ANXA4: variants seen among roughly 807,000 people sequenced by gnomAD.
ANXA4 encodes the protein 35-beta calcimedin.
ANXA4 carries 39 observed loss-of-function variants against 49.8 expected under a neutral mutation model. The ratio of observed to expected loss-of-function variants is 0.78; its 90% CI spans 0.61 to 1.02. The LOEUF is 1.02. ANXA4 is among the 50% of genes least tolerant of loss of function. ANXA4 has a pLI of 0.00. For missense variants in ANXA4, 360 were observed against 410.1 expected (o/e 0.88, Z 1.05); for synonymous variants, 134 against 152.5 (o/e 0.88, Z 0.89).
At chr2:69,694,419 G>C (rs1678087957) in intron 2 of ANXA4, among the ~76,000 whole-genome samples, 1 of 151,140 alleles carries the variant, frequency 6.6e-6, no homozygotes, top group African/African-American at 2.4e-5. Flanking sequence ...ACATCGTGCA[G>C]GTTTGTTACA....
intron 2 of ANXA4, among the ~76,000 whole-genome samples, chr2:69,691,773 G>GA (rs1677979353): frequency 1.3e-5 from 2 of 152,228 alleles, no homozygotes; most frequent in Admixed American, 1.3e-4. Flanking sequence ...TAGCAGCGTA[G>GA]AAGCAGCTGG....
At chr2:69,753,116 T>C (rs1670915425) in intron 1 of ANXA4, among the ~76,000 whole-genome samples, 2 of 152,238 alleles carry the variant, frequency 1.3e-5, no homozygotes, top group African/African-American at 4.8e-5. Context: ...AAACTAGTTA[T>C]GTACCTGTTC....
At chr2:69,810,405 C>T (rs1424385504) in intron 6 of ANXA4, 189 bp from the exon 7 acceptor site, 4 of 578,892 alleles carry the variant, frequency 6.9e-6, no homozygotes, top group Non-Finnish European at 1.3e-5. Context: ...TATCGTGTGA[C>T]AGGATAAGCT....
upstream of ANXA4, chr2:69,643,959 A>T (rs1455591374): frequency 2.0e-6 from 2 of 1,023,484 alleles, no homozygotes; most frequent in South Asian, 4.8e-5. Flanking sequence ...AAGACTGTTG[A>T]TATCACCCGA....
At chr2:69,688,218 T>C (rs888355487) in intron 2 of ANXA4, among the ~76,000 whole-genome samples, 7 of 152,254 alleles carry the variant, frequency 4.6e-5, no homozygotes, top group Admixed American at 3.9e-4. Flanking sequence ...TTTTAAAAAT[T>C]GCATTATGGC....
rs184184854 is a variant in ANXA4 at position 69,827,104 on chromosome 2, A to G, written c.*1589A>G. ...TATCATAAATGTATAAAGGACATTCATATTCTTATAGTGGGAATACTTGCC... is the reference window on the plus strand; with the variant it reads ...TATCATAAATGTATAAAGGACATTCGTATTCTTATAGTGGGAATACTTGCC... On this transcript the variant is annotated 3_prime_UTR_variant, in exon 13 of 13. Coordinates refer to ENST00000394295, the MANE Select transcript of ANXA4 (RefSeq NM_001153.5). 6.4e-4 allele frequency: 98 copies of G among 152,316 alleles called. 3 individuals are homozygous for G. The East Asian group carries it at 0.018, about 27-fold the overall frequency. 9.4% of individuals were successfully genotyped at this position (152,316 alleles called of 1,614,324 possible).
chr2:69,720,753 G>A (rs1392858614), intron 2 of ANXA4: 1 of 152,196 alleles, frequency 6.6e-6, no homozygotes, highest in Admixed American at 6.5e-5. Flanking sequence ...GGGTCCAAAT[G>A]TCACTTTTTT....
intron 1 of ANXA4, among the ~76,000 whole-genome samples, chr2:69,652,203 G>C (rs1041814883): frequency 1.3e-5 from 2 of 151,762 alleles, no homozygotes; most frequent in Non-Finnish European, 2.9e-5. Context: ...ACAGGGTTTT[G>C]CCATGTTGGC....
rs779182011 is a variant in ANXA4 at position 69,771,539 on chromosome 2, C to T, written c.-46-9981C>T. Among the ~76,000 whole-genome samples, 182 of 152,334 alleles carry T rather than the reference C, an allele frequency of 1.2e-3. 3 individuals carry two copies. Among genetic ancestry groups the T allele is most frequent in the Middle Eastern group, 3.4e-3 (1 of 294 alleles). On this transcript the variant is annotated intron_variant, in intron 1 of 12. Transcript: ENST00000394295. ...AATGCTTAGGGAAGTATCTACTTTG[C>T]CCGCTTTCCAAATGCTGGGTGAGAG...
chr2:69,778,685 G>A (rs552857853), intron 1 of ANXA4, among the ~76,000 whole-genome samples: 238 of 147,116 alleles, frequency 1.6e-3, no homozygotes, highest in Non-Finnish European at 3.1e-3. Context: ...TGAGGCAGGC[G>A]AATCACTTGA....
At chr2:69,757,332 A>ATGATCTCG (rs1230546967) in intron 1 of ANXA4, among the ~76,000 whole-genome samples, 1 of 131,176 alleles carries the variant, frequency 7.6e-6, no homozygotes, top group Non-Finnish European at 1.6e-5. Context: ...GTGCAGTCGC[A>ATGATCTCG]TGATCTCGGC....
chr2:69,718,601 G>T (rs1669715088), intron 2 of ANXA4, among the ~76,000 whole-genome samples: 1 of 152,152 alleles, frequency 6.6e-6, no homozygotes, highest in Non-Finnish European at 1.5e-5. Context: ...TATACCTGCT[G>T]CTTCTTGTGC....
chr2:69,647,876 T>G (rs927758959), intron 1 of ANXA4, among the ~76,000 whole-genome samples: 1 of 152,210 alleles, frequency 6.6e-6, no homozygotes, highest in African/African-American at 2.4e-5. Flanking sequence ...TTATTTAATC[T>G]TCATGGTTGC....
intron 1 of ANXA4, among the ~76,000 whole-genome samples, chr2:69,757,396 T>TA (rs1288332751): frequency 6.9e-6 from 1 of 144,322 alleles, no homozygotes; most frequent in Admixed American, 7.0e-5. Context: ...CCAGCCTCCC[T>TA]AGTAGCTGGG....
At chr2:69,739,418 G>T (rs1368212717), upstream of ANXA4, among the ~76,000 whole-genome samples, 2 of 151,732 alleles carry the variant, frequency 1.3e-5, no homozygotes, top group Non-Finnish European at 2.9e-5. Context: ...GTTTTTTTAG[G>T]GGGGTGGGGT....
At chr2:69,718,964 C>G (rs942360389) in intron 2 of ANXA4, among the ~76,000 whole-genome samples, 1 of 151,690 alleles carries the variant, frequency 6.6e-6, no homozygotes, top group African/African-American at 2.4e-5. Flanking sequence ...TTCCAAGTCT[C>G]AAGCTAGCTA....
chr2:69,676,354 T>C (rs1214862106), intron 2 of ANXA4, among the ~76,000 whole-genome samples: 3 of 152,168 alleles, frequency 2.0e-5, no homozygotes, highest in Admixed American at 6.5e-5. Context: ...ATTAGTTAAC[T>C]AGTTCAAAGT....
intron 1 of ANXA4, among the ~76,000 whole-genome samples, chr2:69,779,143 AGTC>A (rs138750177): frequency 0.021 from 3,081 of 150,186 alleles, 48 homozygotes; most frequent in Non-Finnish European, 0.035. Context: ...AGGAAAGAGA[AGTC>A]AGAATGAATC....
chr2:69,770,998 G>A (rs1559169724), intron 1 of ANXA4, among the ~76,000 whole-genome samples: 1 of 150,828 alleles, frequency 6.6e-6, no homozygotes, highest in Admixed American at 6.6e-5. Context: ...GGAGGCTGAG[G>A]CGGCAGGATC....
Sources: gnomAD v4.1 joint callset for allele counts (sites outside exome capture counted in the v4.1 genomes callset) on GRCh38, gnomAD v4.1.1 for gene constraint, MANE v1.5 for transcripts, NCBI Gene and HGNC (gene_info 2026-07-23, HGNC 2026-07-21) for gene names.